The following CFAP221 variants were observed in gnomAD, a reference collection of about 807,000 sequenced individuals.
CFAP221 encodes cilia and flagella associated protein 221, also known as cilia- and flagella-associated protein 221.
CFAP221 carries 97 observed loss-of-function variants against 113.1 expected under a neutral mutation model. That is an observed-to-expected ratio of 0.86 (90% CI 0.73 to 1.02). The LOEUF (loss-of-function observed/expected upper bound fraction) is 1.02, where lower values mean the gene tolerates loss of function less well. CFAP221 is among the 50% of genes least tolerant of loss of function. The pLI is 0.00. For missense variants in CFAP221, 1,025 were observed against 1,013.4 expected (o/e 1.01, Z -0.16); for synonymous variants, 331 against 354.4 (o/e 0.93, Z 0.74).
At chr2:119,633,040 C>T (rs1328293511) in intron 19 of CFAP221, among the ~76,000 whole-genome samples, 1 of 151,778 alleles carries the variant, frequency 6.6e-6, no homozygotes, top group Non-Finnish European at 1.5e-5. Flanking sequence ...ATAGAGGATC[C>T]AGAAATATAT....
chr2:119,638,748 C>T (rs971458765), intron 20 of CFAP221, among the ~76,000 whole-genome samples: 1 of 152,178 alleles, frequency 6.6e-6, no homozygotes, highest in Non-Finnish European at 1.5e-5. Context: ...GACCTCCTCT[C>T]TCTTTGGCCC....
chr2:119,573,276 G>A (rs1159659078), intron 6 of CFAP221: 1 of 152,208 alleles, frequency 6.6e-6, no homozygotes, highest in African/African-American at 2.4e-5. Flanking sequence ...ATGTTCACAA[G>A]TGTTTTTTGA....
At chr2:119,649,418 C>T (rs139586922) in intron 22 of CFAP221, among the ~76,000 whole-genome samples, 173 of 152,272 alleles carry the variant, frequency 1.1e-3, no homozygotes, top group Non-Finnish European at 1.6e-3. Context: ...AGTCAAGGAG[C>T]GTCCATATTT....
chr2:119,600,019 T>G (rs1486160164), intron 7 of CFAP221, among the ~76,000 whole-genome samples: 1 of 152,064 alleles, frequency 6.6e-6, no homozygotes, highest in Non-Finnish European at 1.5e-5. Flanking sequence ...TTGGGGGGAC[T>G]GTGCGAGGCC....
rs1354558703 is a variant in CFAP221 at position 119,649,597 on chromosome 2, A to G, written c.2319-2377A>G. Among the ~76,000 whole-genome samples, 11 of 152,220 alleles carry G rather than the reference A, an allele frequency of 7.2e-5. 1 individual carries two copies. Among genetic ancestry groups the G allele is most frequent in the Non-Finnish European group, 5.9e-5 (4 of 68,032 alleles). On this transcript the variant is annotated intron_variant, in intron 22 of 23. Coordinates refer to ENST00000413369, the MANE Select transcript of CFAP221 (RefSeq NM_001271049.2). ...AGGGTGAGCCAGTCCACCAAGGCTT[A>G]GTGAAGCTGCCCAGCATTGATGCAG...
At chr2:119,573,944 G>A (rs1413210045) in intron 6 of CFAP221, among the ~76,000 whole-genome samples, 1 of 152,118 alleles carries the variant, frequency 6.6e-6, no homozygotes, top group Non-Finnish European at 1.5e-5. Context: ...ACCGAAGTGG[G>A]CGCCACCTTG....
intron 7 of CFAP221, among the ~76,000 whole-genome samples, chr2:119,589,002 G>C (rs1379810540): frequency 4.6e-5 from 7 of 152,228 alleles, no homozygotes; most frequent in African/African-American, 7.2e-5. Context: ...GTGCAGAAGA[G>C]GAGAATGAAG....
At chr2:119,615,239 G>A (rs1269287754) in intron 13 of CFAP221, among the ~76,000 whole-genome samples, 1 of 152,220 alleles carries the variant, frequency 6.6e-6, no homozygotes, top group Non-Finnish European at 1.5e-5. Flanking sequence ...GCAGGGCTGA[G>A]TAAAGTAGTC....
chr2:119,596,476 C>T (rs1307508947), intron 7 of CFAP221, among the ~76,000 whole-genome samples: 1 of 152,212 alleles, frequency 6.6e-6, no homozygotes, highest in Non-Finnish European at 1.5e-5. Context: ...TCCTCCCCAG[C>T]ATCCTCTACT....
chr2:119,602,522 A>G (rs1456323783), intron 8 of CFAP221: 1 of 693,486 alleles, frequency 1.4e-6, no homozygotes, highest in Non-Finnish European at 1.8e-6. Context: ...CATTAAGCAT[A>G]TTACAAGTGG....
rs1681090680 is a variant in CFAP221 at position 119,559,780 on chromosome 2, G to A, written c.327+5G>A. Reference sequence around the variant, plus strand: ...GAGATCAATTATGTAAGAAAGGTAAGCGTCATTGGTTTACCTGTTCTCCCA... The same window carrying A: ...GAGATCAATTATGTAAGAAAGGTAAACGTCATTGGTTTACCTGTTCTCCCA... On this transcript the variant is annotated splice_donor_5th_base_variant and intron_variant, in intron 4 of 23. Transcript: ENST00000413369. 2.0e-6 allele frequency: 3 copies of A among 1,516,948 alleles called. No homozygotes were observed. The highest frequency in any genetic ancestry group is 2.7e-6 in the Non-Finnish European group (3 of 1,129,516). 94.0% of individuals were successfully genotyped at this position (1,516,948 alleles called of 1,614,324 possible).
chr2:119,654,154 C>T (rs867581556), intron 23 of CFAP221, among the ~76,000 whole-genome samples: 6 of 152,146 alleles, frequency 3.9e-5, no homozygotes, highest in African/African-American at 1.4e-4. Flanking sequence ...GTTCCAGAGA[C>T]CTGCAGCAGC....
intron 6 of CFAP221, among the ~76,000 whole-genome samples, chr2:119,564,938 T>C (rs1267191406): frequency 6.6e-6 from 1 of 152,168 alleles, no homozygotes; most frequent in Admixed American, 6.5e-5. Flanking sequence ...ACAGCACAGA[T>C]TGGGTTACTA....
chr2:119,569,207 C>T (rs1325846715), intron 6 of CFAP221, among the ~76,000 whole-genome samples: 1 of 151,990 alleles, frequency 6.6e-6, no homozygotes, highest in Non-Finnish European at 1.5e-5. Flanking sequence ...AATCTCGGCT[C>T]ATTGCAACCT....
chr2:119,572,511 A>G (rs1443437552), intron 6 of CFAP221: 13 of 690,002 alleles, frequency 1.9e-5, no homozygotes, highest in African/African-American at 5.2e-5. Context: ...TTCTAAAAAG[A>G]TTCATGTTAA....
At position 119,569,664 on chromosome 2, in the gene CFAP221, A is replaced by G. The variant is rs138002128; in HGVS notation, c.527+7550A>G. On this transcript the variant is annotated intron_variant, in intron 6 of 23. Coordinates refer to ENST00000413369, the MANE Select transcript of CFAP221 (RefSeq NM_001271049.2). ...TGTAGTTGTCCCACAGTTTTTGGAT[A>G]TTCTGTTTTTGTTTTTGTTTTTCAG... 3.2e-3 allele frequency among the ~76,000 whole-genome samples: 482 copies of G among 151,752 alleles called. 4 individuals carry two copies. Among genetic ancestry groups the G allele is most frequent in the African/African-American group, 0.011 (446 of 41,376 alleles).
At chr2:119,641,724 C>G (rs1687501136) in intron 21 of CFAP221, among the ~76,000 whole-genome samples, 1 of 152,202 alleles carries the variant, frequency 6.6e-6, no homozygotes, top group East Asian at 1.9e-4. Context: ...TCCCCGCCCA[C>G]TAAGCGGCGC....
intron 1 of CFAP221, chr2:119,545,387 T>C (rs951944159): frequency 6.6e-6 from 1 of 152,232 alleles, no homozygotes; most frequent in Admixed American, 6.5e-5. Context: ...TGCTAAAGAA[T>C]GTTAAAGTGT....
chr2:119,558,572 C>T (rs1005105131), intron 3 of CFAP221, among the ~76,000 whole-genome samples: 1 of 152,150 alleles, frequency 6.6e-6, no homozygotes, highest in Non-Finnish European at 1.5e-5. Context: ...AATCCCAGCA[C>T]TTTCAGAGGC....
Sources: gnomAD v4.1 joint callset for allele counts (sites outside exome capture counted in the v4.1 genomes callset) on GRCh38, gnomAD v4.1.1 for gene constraint, MANE v1.5 for transcripts, NCBI Gene and HGNC (gene_info 2026-07-23, HGNC 2026-07-21) for gene names.